DGLUCY: variants seen among roughly 807,000 people sequenced by gnomAD.
DGLUCY encodes D-glutamate cyclase.
DGLUCY carries 58 observed loss-of-function variants against 58.5 expected under a neutral mutation model. That is an observed-to-expected ratio of 0.99 (90% CI 0.80 to 1.23). The LOEUF (loss-of-function observed/expected upper bound fraction) is 1.23, where lower values mean the gene tolerates loss of function less well. Among genes scored for constraint, DGLUCY ranks in the 50% most tolerant of loss-of-function variants. The pLI, the probability that DGLUCY is intolerant of heterozygous loss-of-function variation, is 0.00. For synonymous variants in DGLUCY, 325 were observed against 314.1 expected, an observed-to-expected ratio of 1.03 and a Z score of -0.37; for missense variants, 779 against 784.7, an observed-to-expected ratio of 0.99 and a Z score of 0.09.
chr14:91,083,002 C>T (rs2044152851), intron 1 of DGLUCY, among the ~76,000 whole-genome samples: 1 of 152,176 alleles, frequency 6.6e-6, no homozygotes, highest in Admixed American at 6.5e-5. Context: ...AAGTGATCCT[C>T]CTGCGTTGGC....
chr14:91,183,425 A>T (rs2049303799), intron 8 of DGLUCY, among the ~76,000 whole-genome samples: 1 of 152,218 alleles, frequency 6.6e-6, no homozygotes, highest in African/African-American at 2.4e-5. Context: ...TTCACCTGCC[A>T]TTGTGTGTGG....
chr14:91,165,175 C>T, intron 3 of DGLUCY: 1 of 453,898 alleles, frequency 2.2e-6, no homozygotes, highest in Non-Finnish European at 4.4e-6. Flanking sequence ...CCTTTAATGA[C>T]ACATAACAAA....
chr14:91,111,047 G>C (rs1403707800), upstream of DGLUCY, among the ~76,000 whole-genome samples: 1 of 151,994 alleles, frequency 6.6e-6, no homozygotes. Flanking sequence ...TTTTGTCTCA[G>C]TCTGTTAAGG....
chr14:91,223,697 C>T (rs1477442978), intron 13 of DGLUCY: 3 of 1,288,078 alleles, frequency 2.3e-6, no homozygotes, highest in Non-Finnish European at 3.0e-6. Context: ...AGGGAGAAAG[C>T]TCTAGGCTAA....
chr14:91,093,581 G>A lies in DGLUCY; in HGVS notation c.-82+32877G>A, dbSNP rs148116708. On this transcript the variant is annotated intron_variant, in intron 1 of 4. Transcript: ENST00000521334. ...TGGATTGCTTGAGGCCAAGGTGGGT[G>A]GATTGCTTGAGACCAGGAGTTTGAG... Among the ~76,000 whole-genome samples the A allele has an allele frequency of 6.6e-5, 10 of 152,068 alleles. No homozygotes were observed. The East Asian group carries it at 1.9e-3, about 29-fold the overall frequency.
At chr14:91,103,870 C>T (rs2044536062), upstream of DGLUCY, among the ~76,000 whole-genome samples, 1 of 151,682 alleles carries the variant, frequency 6.6e-6, no homozygotes, top group Non-Finnish European at 1.5e-5. Flanking sequence ...GAACAACATT[C>T]CCTTGTCCCC....
At chr14:91,090,691 T>A (rs900291963) in intron 1 of DGLUCY, among the ~76,000 whole-genome samples, 4 of 152,144 alleles carry the variant, frequency 2.6e-5, no homozygotes, top group African/African-American at 9.7e-5. Context: ...CCCTATTTGG[T>A]CACAGATAGG....
intron 1 of DGLUCY, among the ~76,000 whole-genome samples, chr14:91,071,946 G>A (rs545418619): frequency 6.6e-6 from 1 of 152,102 alleles, no homozygotes; most frequent in African/African-American, 2.4e-5. Flanking sequence ...CAAAAATGGG[G>A]AAGTGAGGGG....
chr14:91,206,657 A>G (rs1178372999), intron 12 of DGLUCY, among the ~76,000 whole-genome samples: 1 of 152,170 alleles, frequency 6.6e-6, no homozygotes, highest in Non-Finnish European at 1.5e-5. Flanking sequence ...TGCTGGGATT[A>G]CAGGCATGAG....
intron 9 of DGLUCY, among the ~76,000 whole-genome samples, chr14:91,190,222 C>T (rs867639001): frequency 1.6e-3 from 242 of 151,940 alleles, no homozygotes; most frequent in South Asian, 4.6e-3. Flanking sequence ...CTCCTGACCT[C>T]GTGATCCGCC....
Position 91,170,054 on chromosome 14 carries a change from C to A in DGLUCY, c.309C>A (p.Ser103Arg), listed in dbSNP as rs767389155. The A allele has an allele frequency of 3.5e-5, 57 of 1,612,296 alleles. No homozygotes were observed. Among genetic ancestry groups the A allele is most frequent in the Admixed American group, 8.3e-5 (5 of 60,014 alleles). ...WKYEFGACTG[S>R]LASLEQYSEQ... The stretch of plus-strand genomic sequence containing the variant: ...ACGAGTTCGGTGCCTGCACCGGCAG[C>A]CTGGCTTCGCTGGAGCAGTACTCGG... Residue 103 changes from serine to arginine, a missense_variant, in exon 5 of 14, where the codon AGC becomes AGA. Physicochemically the swap from Ser to Arg is moderately radical, Grantham distance 110. Coordinates refer to ENST00000256324, the MANE Select transcript of DGLUCY (RefSeq NM_001102368.3).
intron 1 of DGLUCY, among the ~76,000 whole-genome samples, chr14:91,125,287 A>T (rs1231362390): frequency 6.6e-6 from 1 of 152,204 alleles, no homozygotes; most frequent in Non-Finnish European, 1.5e-5. Context: ...GCACCGGGGA[A>T]CAAGCATTTC....
intron 3 of DGLUCY, among the ~76,000 whole-genome samples, chr14:91,164,701 G>A (rs1481815534): frequency 1.3e-5 from 2 of 152,042 alleles, no homozygotes; most frequent in African/African-American, 2.4e-5. Context: ...CTCTCTCTCT[G>A]TCTCTGTTTG....
At chr14:91,061,927 G>A (rs1478861551) in intron 1 of DGLUCY, among the ~76,000 whole-genome samples, 1 of 152,188 alleles carries the variant, frequency 6.6e-6, no homozygotes, top group Non-Finnish European at 1.5e-5. Flanking sequence ...ACACGAGAAT[G>A]GGAAAAAGCA....
At chr14:91,162,537 C>T (rs1190182409) in intron 3 of DGLUCY, among the ~76,000 whole-genome samples, 1 of 152,146 alleles carries the variant, frequency 6.6e-6, no homozygotes, top group Admixed American at 6.6e-5. Context: ...GGGGACTTTT[C>T]TGTTCATCTC....
At position 91,176,091 on chromosome 14, in the gene DGLUCY, C is replaced by T. The variant is rs1566984829; in HGVS notation, c.730+35C>T. 8 of 1,606,800 alleles carry T rather than the reference C, an allele frequency of 5.0e-6. No homozygotes were observed. The Admixed American group carries it at 1.0e-4, about 20-fold the overall frequency. ...GGGATAATGGGACAATCGATCTGCCCTAGGATGGAGCCCAGTGGGGTCTAG... is the reference window on the plus strand; with the variant it reads ...GGGATAATGGGACAATCGATCTGCCTTAGGATGGAGCCCAGTGGGGTCTAG... On this transcript the variant is annotated intron_variant, in intron 7 of 13. Coordinates refer to ENST00000256324, the MANE Select transcript of DGLUCY (RefSeq NM_001102368.3).
rs1886375852 is a variant in DGLUCY at position 91,215,481 on chromosome 14, C to G, written c.1641C>G (p.Tyr547Ter). The G allele has an allele frequency of 3.1e-6, 5 of 1,614,094 alleles. No homozygotes were observed. Among genetic ancestry groups the G allele is most frequent in the Admixed American group, 1.7e-5 (1 of 60,012 alleles). ...ILYSCAVHSQ[Y>*]LRKAVGPSRA... ...ACTCATGTGCTGTCCACAGTCAGTA[C>G]CTGAGGAAAGCAGTCGGACCCTCCA... The change falls in exon 13 of 14, where the codon TAC becomes TAG. Residue 547 changes from tyrosine to a stop codon, truncating the protein, a stop_gained. Coordinates refer to ENST00000256324, the MANE Select transcript of DGLUCY (RefSeq NM_001102368.3). LOFTEE classifies it high-confidence loss of function.
intron 1 of DGLUCY, among the ~76,000 whole-genome samples, chr14:91,066,246 C>G (rs1390486701): frequency 6.6e-6 from 1 of 151,964 alleles, no homozygotes. Flanking sequence ...GGCCTGGTGG[C>G]ACATGCCTGT....
rs781299666 is a variant in DGLUCY at position 91,181,335 on chromosome 14, GTC to G, written c.884_885del (p.Ser295CysfsTer27). On this transcript the variant is annotated frameshift_variant, in exon 8 of 14. Transcript: ENST00000256324. LOFTEE classifies it high-confidence loss of function. ...TCCTCTGCACTACAGCATCGCGTCA[GTC>G]TCTGCTTCTCAGAAGATCAGAGAAC... ...QDPLHYSIAS[V>X]SASQKIRELE... The G allele has an allele frequency of 1.2e-6, 2 of 1,614,186 alleles. No homozygotes were observed. Among genetic ancestry groups the G allele is most frequent in the Non-Finnish European group, 8.5e-7 (1 of 1,180,048 alleles).
Sources: allele counts gnomAD v4.1 joint callset (sites outside exome capture counted in the v4.1 genomes callset), GRCh38; gene constraint gnomAD v4.1.1; transcripts MANE v1.5; gene names NCBI Gene and HGNC (gene_info 2026-07-23, HGNC 2026-07-21).